The following DPYSL3 variants were observed in gnomAD, a reference collection of about 807,000 sequenced individuals.
The protein encoded by DPYSL3 is dihydropyrimidinase-related protein 3.
Under a neutral mutation model 66.1 loss-of-function variants are expected in DPYSL3, and 16 were observed. The ratio of observed to expected loss-of-function variants is 0.24; its 90% CI spans 0.16 to 0.37. The LOEUF (loss-of-function observed/expected upper bound fraction) is 0.37. Among genes scored for constraint, DPYSL3 ranks in the 10% least tolerant of loss-of-function variants. The probability of loss-of-function intolerance (pLI) is 1.00; values close to 1 mark genes in which losing one functional copy is unlikely to be tolerated. For synonymous variants in DPYSL3, 338 were observed against 345.1 expected (o/e 0.98, Z 0.23); for missense variants, 738 against 916.2 (o/e 0.81, Z 2.51).
At chr5:147,414,819 C>T (rs1351371047) in intron 4 of DPYSL3, among the ~76,000 whole-genome samples, 1 of 152,138 alleles carries the variant, frequency 6.6e-6, no homozygotes, top group Non-Finnish European at 1.5e-5. Flanking sequence ...CATCCCAGGG[C>T]ACACTCTTCC....
chr5:147,408,770 C>G lies in DPYSL3; in HGVS notation c.990G>C (p.Gly330=). Residue 330 remains glycine (G), a synonymous_variant, in exon 7 of 14, where the codon GGG becomes GGC. Transcript: ENST00000343218. ...AQEQTRMLEM[G]ITGPEGHVLS... is the part of the protein sequence containing the mutation. ...GTACATGGCCTTCTGGGCCAGTTAT[C>G]CCCATTTCCAACATGCGGGTTTGCT... The G allele has an allele frequency of 6.2e-7, 1 of 1,614,178 alleles. No individual in the cohort carries two copies. Among genetic ancestry groups the G allele is most frequent in the African/African-American group, 1.3e-5 (1 of 75,054 alleles).
At chr5:147,491,982 C>A (rs1753422871) in intron 1 of DPYSL3, among the ~76,000 whole-genome samples, 1 of 151,866 alleles carries the variant, frequency 6.6e-6, no homozygotes, top group South Asian at 2.1e-4. Flanking sequence ...CAAAAAAAAC[C>A]CTTACACATA....
intron 1 of DPYSL3, among the ~76,000 whole-genome samples, chr5:147,497,600 A>G (rs1303493819): frequency 6.6e-6 from 1 of 152,096 alleles, no homozygotes; most frequent in Non-Finnish European, 1.5e-5. Flanking sequence ...AATCCATCAC[A>G]TTACATTACA....
chr5:147,474,948 C>A (rs867260647), intron 1 of DPYSL3, among the ~76,000 whole-genome samples: 17 of 151,870 alleles, frequency 1.1e-4, no homozygotes, highest in African/African-American at 3.9e-4. Context: ...ATTAGGTTTT[C>A]TTAAAGGAGA....
chr5:147,465,174 A>T (rs1294682926), intron 1 of DPYSL3, among the ~76,000 whole-genome samples: 2 of 152,340 alleles, frequency 1.3e-5, no homozygotes, highest in South Asian at 2.1e-4. Flanking sequence ...AGCCTGGACA[A>T]GAAAGTGAGA....
chr5:147,487,880 C>T lies in DPYSL3; in HGVS notation c.381+21598G>A, dbSNP rs1753359285. Among the ~76,000 whole-genome samples the T allele has an allele frequency of 1.3e-5, 2 of 152,146 alleles. 1 individual carries two copies. Among genetic ancestry groups the T allele is most frequent in the Admixed American group, 1.3e-4 (2 of 15,272 alleles). On this transcript the variant is annotated intron_variant, in intron 1 of 13. Coordinates refer to ENST00000343218, the MANE Select transcript of DPYSL3 (RefSeq NM_001197294.2). ...CCCATTTTGAACTCCCCACATCCCA[C>T]CCTGGAATCTCACTAAAAAGTTCCC...
At chr5:147,456,581 A>ATTTTT (rs985633099) in intron 1 of DPYSL3, among the ~76,000 whole-genome samples, 17 of 80,336 alleles carry the variant, frequency 2.1e-4, no homozygotes, top group African/African-American at 4.8e-4. Context: ...TACTGATTCT[A>ATTTTT]TTTTTTTTTT....
intron 1 of DPYSL3, among the ~76,000 whole-genome samples, chr5:147,455,984 A>C (rs994167757): frequency 6.6e-6 from 1 of 152,090 alleles, no homozygotes; most frequent in Non-Finnish European, 1.5e-5. Flanking sequence ...TCAGGTTTGC[A>C]TGCAAGAGGC....
chr5:147,498,997 G>T (rs934257423), intron 1 of DPYSL3, among the ~76,000 whole-genome samples: 1 of 151,986 alleles, frequency 6.6e-6, no homozygotes, highest in Non-Finnish European at 1.5e-5. Flanking sequence ...ATTTTTGCCC[G>T]TGCCTATGAC....
At position 147,509,791 on chromosome 5, in the gene DPYSL3, G is replaced by T; in HGVS notation, c.68C>A (p.Pro23Gln). The change falls in exon 1 of 14, where the codon CCG becomes CAG. Residue 23 changes from proline to glutamine, a missense_variant. By Grantham distance (76) the Pro-to-Gln change is moderately conservative. Transcript: ENST00000343218. The surrounding 1 kb of genome is among the most constrained non-coding windows in gnomAD (Gnocchi z 5.3). ...EDDLPVYLAR[P>Q]GTTDQVPRQK... is the part of the protein sequence containing the mutation. The stretch of plus-strand genomic sequence containing the variant: ...CCGCGGGACCTGGTCCGTGGTGCCC[G>T]GCCTGGCCAGGTACACGGGCAGATC... 6.5e-7 allele frequency: 1 copy of T among 1,535,966 alleles called. No individual in the cohort carries two copies. Among genetic ancestry groups the T allele is most frequent in the South Asian group, 1.2e-5 (1 of 84,056 alleles).
chr5:147,482,453 C>A (rs1345511455), intron 1 of DPYSL3, among the ~76,000 whole-genome samples: 1 of 152,216 alleles, frequency 6.6e-6, no homozygotes, highest in African/African-American at 2.4e-5. Context: ...GTGGCACACA[C>A]CATCAGCTCA....
chr5:147,425,507 A>G (rs557734560), intron 1 of DPYSL3, among the ~76,000 whole-genome samples: 1 of 152,360 alleles, frequency 6.6e-6, no homozygotes, highest in African/African-American at 2.4e-5. Flanking sequence ...ATGTTGTAAA[A>G]TGTGTAATAA....
At chr5:147,418,708 G>A in intron 2 of DPYSL3, 77 bp from the exon 3 acceptor site, 2 of 1,318,810 alleles carry the variant, frequency 1.5e-6, no homozygotes, top group Non-Finnish European at 1.0e-6. Flanking sequence ...AAATATAGTG[G>A]TATAAGGATT....
At chr5:147,400,407 T>C (rs1165948334) in intron 10 of DPYSL3, among the ~76,000 whole-genome samples, 1 of 152,244 alleles carries the variant, frequency 6.6e-6, no homozygotes, top group African/African-American at 2.4e-5. Context: ...ACTATTATTT[T>C]AAGTACAGGC....
intron 1 of DPYSL3, among the ~76,000 whole-genome samples, chr5:147,465,596 G>A (rs1028003334): frequency 3.3e-5 from 5 of 152,218 alleles, no homozygotes; most frequent in Non-Finnish European, 5.9e-5. Flanking sequence ...CACTGTTCCC[G>A]GCCCCTGGTC....
chr5:147,472,132 G>A (rs1033209071), intron 1 of DPYSL3, among the ~76,000 whole-genome samples: 1 of 152,152 alleles, frequency 6.6e-6, no homozygotes, highest in African/African-American at 2.4e-5. Context: ...CTAGTATAGA[G>A]CTCCGACTTC....
Position 147,394,057 on chromosome 5 carries a change from G to T in DPYSL3, c.2033C>A (p.Ser678Tyr). The change falls in exon 14 of 14, where the codon TCT (serine) becomes TAT (tyrosine). Residue 678 changes from serine to tyrosine, a missense_variant. By Grantham distance (144) the Ser-to-Tyr change is moderately radical. Coordinates refer to ENST00000343218, the MANE Select transcript of DPYSL3 (RefSeq NM_001197294.2). ...TGCTTAACTCAGAGATGTGATATTA[G>T]AACGGCCGCCTGGGGGCGCCACGAT... ...KRIVAPPGGR[S>Y]NITSLS is the part of the protein sequence containing the mutation. 6.2e-7 allele frequency: 1 copy of T among 1,614,124 alleles called. No homozygotes were observed. The highest frequency in any genetic ancestry group is 8.5e-7 in the Non-Finnish European group (1 of 1,180,022).
chr5:147,394,151 G>GAA lies in DPYSL3; in HGVS notation c.1967-30_1967-29dup, dbSNP rs3838662. On this transcript the variant is annotated intron_variant, in intron 13 of 13. Coordinates refer to ENST00000343218, the MANE Select transcript of DPYSL3 (RefSeq NM_001197294.2). ...ACAGTTGGAAATAAATTCCCAGGGGGAAAAAAAAAACAGAGTGGCGGGTAG... is the reference window on the plus strand; with the variant it reads ...ACAGTTGGAAATAAATTCCCAGGGGGAAAAAAAAAAAACAGAGTGGCGGGTAG... 106 of 1,433,750 alleles carry GAA rather than the reference G, an allele frequency of 7.4e-5. No individual in the cohort carries two copies. The East Asian group carries it at 1.3e-3, about 17-fold the overall frequency. The allele number at this position is 1,433,750 out of a possible 1,614,324, so 88.8% of individuals were successfully genotyped here. A position where few individuals can be genotyped will look rare whatever the true frequency, so the allele number is the denominator to read the frequency against.
chr5:147,507,948 A>G (rs1753704404), intron 1 of DPYSL3, among the ~76,000 whole-genome samples: 1 of 152,162 alleles, frequency 6.6e-6, no homozygotes. Flanking sequence ...CTTTTCCATC[A>G]CTACTCCCGC....
Sources: gnomAD v4.1 joint callset for allele counts (sites outside exome capture counted in the v4.1 genomes callset) on GRCh38, gnomAD v4.1.1 for gene constraint, Gnocchi (gnomAD v3.1) non-coding constraint, MANE v1.5 for transcripts, NCBI Gene and HGNC (gene_info 2026-07-23, HGNC 2026-07-21) for gene names.